The following PRR14L variants were observed in gnomAD, a reference collection of about 807,000 sequenced individuals.
PRR14L encodes proline rich 14 like.
A neutral mutation model predicts 155.0 loss-of-function variants in PRR14L; 80 were observed. That is an observed-to-expected ratio of 0.52 (90% CI 0.43 to 0.62). PRR14L has a LOEUF of 0.62. Ranked by LOEUF, PRR14L falls within the 20% of genes least tolerant of loss-of-function variation. The pLI, the probability that PRR14L is intolerant of heterozygous loss-of-function variation, is 0.00. For synonymous variants in PRR14L, 883 were observed against 916.0 expected (o/e 0.96, Z 0.65); for missense variants, 2,469 against 2,548.0 (o/e 0.97, Z 0.67).
intron 1 of PRR14L, among the ~76,000 whole-genome samples, chr22:31,746,477 G>A (rs1180426539): frequency 3.9e-5 from 6 of 152,216 alleles, no homozygotes; most frequent in Admixed American, 1.3e-4. Flanking sequence ...GGGATTTACA[G>A]CTTAATCTTT....
At chr22:31,723,912 G>A (rs2074703642) in intron 3 of PRR14L, among the ~76,000 whole-genome samples, 1 of 152,206 alleles carries the variant, frequency 6.6e-6, no homozygotes, top group South Asian at 2.1e-4. Context: ...GTTAGAAATC[G>A]GGCGGCACAG....
chr22:31,737,776 G>A (rs2074790215), intron 2 of PRR14L, among the ~76,000 whole-genome samples: 4 of 152,026 alleles, frequency 2.6e-5, no homozygotes, highest in Admixed American at 1.3e-4. Flanking sequence ...ACTTTAGGAG[G>A]CTGAGGTGGG....
chr22:31,687,855 C>A (rs960598782), intron 8 of PRR14L, among the ~76,000 whole-genome samples: 1 of 151,238 alleles, frequency 6.6e-6, no homozygotes, highest in Non-Finnish European at 1.5e-5. Context: ...CACGGTGAAA[C>A]CCTGTCTCTA....
chr22:31,691,066 C>T (rs1268364819), intron 7 of PRR14L, among the ~76,000 whole-genome samples: 3 of 150,944 alleles, frequency 2.0e-5, no homozygotes, highest in African/African-American at 7.3e-5. Context: ...CGGGTTCAAG[C>T]GATTCTCCTC....
At chr22:31,729,430 G>C (rs1303869607) in intron 2 of PRR14L, among the ~76,000 whole-genome samples, 2 of 151,950 alleles carry the variant, frequency 1.3e-5, no homozygotes, top group Admixed American at 1.3e-4. Flanking sequence ...TATTAGCCAG[G>C]ATGGTCTCGA....
Position 31,725,531 on chromosome 22 carries a change from T to TA in PRR14L, c.547+6dup. The TA allele has an allele frequency of 6.5e-7, 1 of 1,535,914 alleles. No homozygotes were observed. Among genetic ancestry groups the TA allele is most frequent in the African/African-American group, 1.4e-5 (1 of 72,818 alleles). On this transcript the variant is annotated splice_region_variant and intron_variant, in intron 3 of 8. Coordinates refer to ENST00000327423, the MANE Select transcript of PRR14L (RefSeq NM_173566.3). ...GATAAAGGAAGAGATTTGAGAGAAA[T>TA]AAATACCTTTGCTCCTTAGAAAATC...
At chr22:31,734,681 C>T (rs2074768911) in intron 2 of PRR14L, among the ~76,000 whole-genome samples, 1 of 152,202 alleles carries the variant, frequency 6.6e-6, no homozygotes, top group Non-Finnish European at 1.5e-5. Flanking sequence ...CTTGACTGTT[C>T]TCTTTCACAA....
At chr22:31,689,999 C>G (rs2074503215) in intron 7 of PRR14L, among the ~76,000 whole-genome samples, 1 of 151,972 alleles carries the variant, frequency 6.6e-6, no homozygotes, top group African/African-American at 2.4e-5. Context: ...TCACTGCAAC[C>G]TCTACCTCCC....
At position 31,688,214 on chromosome 22, in the gene PRR14L, CCTT is replaced by C; in HGVS notation, c.6118_6120del (p.Lys2040del). On this transcript the variant is annotated inframe_deletion, in exon 8 of 9. Transcript: ENST00000327423. ...GTATATATCTCTTCTAAACTAAACT[CCTT>C]CTTCTTTAACCTGAAAAGAAATAAG... 1.3e-6 allele frequency: 2 copies of C among 1,594,358 alleles called. No homozygotes were observed. Among genetic ancestry groups the C allele is most frequent in the East Asian group, 2.2e-5 (1 of 44,566 alleles).
chr22:31,712,157 A>G lies in PRR14L; in HGVS notation c.5682T>C (p.Ser1894=). ...VLSIWSQHGP[S]VCSFEISSLH... ...GAGAAGAGATTTCGAAGGAGCAGAC[A>G]GAAGGACCATGCTGGCTCCAAATGG... Residue 1894 remains serine (S), a synonymous_variant, in exon 4 of 9, where the codon TCT becomes TCC. Coordinates refer to ENST00000327423, the MANE Select transcript of PRR14L (RefSeq NM_173566.3). The G allele has an allele frequency of 3.1e-6, 5 of 1,614,184 alleles. No homozygotes were observed. The highest frequency in any genetic ancestry group is 2.2e-5 in the South Asian group (2 of 91,080).
At position 31,715,873 on chromosome 22, in the gene PRR14L, C is replaced by T. The variant is rs1005240302; in HGVS notation, c.1966G>A (p.Val656Met). 1.3e-6 allele frequency: 2 copies of T among 1,551,614 alleles called. No individual in the cohort carries two copies. Among genetic ancestry groups the T allele is most frequent in the Non-Finnish European group, 1.7e-6 (2 of 1,146,914 alleles). The change falls in exon 4 of 9, where the codon GTG becomes ATG. Residue 656 changes from valine to methionine, a missense_variant. Physicochemically the swap from Val to Met is conservative, Grantham distance 21 (BLOSUM62 1). Around this residue, in one of 2 missense-constraint regions of PRR14L, gnomAD observed 2,363 missense variants for 2,371.6 expected, o/e 1.00. Coordinates refer to ENST00000327423, the MANE Select transcript of PRR14L (RefSeq NM_173566.3). ...GCATGTTCTTGAGAATTAAGGGACACTTGTTGATTTAAAACACATTCACTT... is the reference window on the plus strand; with the variant it reads ...GCATGTTCTTGAGAATTAAGGGACATTTGTTGATTTAAAACACATTCACTT... Reference protein sequence around the residue: ...VESECVLNQQVSLNSQEHANL... With the variant: ...VESECVLNQQMSLNSQEHANL...
chr22:31,748,123 CAAT>C (rs1469369005), intron 1 of PRR14L, among the ~76,000 whole-genome samples: 2 of 152,120 alleles, frequency 1.3e-5, no homozygotes, highest in African/African-American at 4.8e-5. Context: ...ACAATACTCA[CAAT>C]AATGACCAGG....
At chr22:31,733,284 C>G (rs376461829) in intron 2 of PRR14L, among the ~76,000 whole-genome samples, 4 of 148,250 alleles carry the variant, frequency 2.7e-5, no homozygotes, top group Non-Finnish European at 5.9e-5. Flanking sequence ...TGTGAGCCAC[C>G]GCGCCTGGCC....
In PRR14L at chr22:31,716,434, C is replaced by A; in HGVS notation, c.1405G>T (p.Glu469Ter). The change falls in exon 4 of 9, where the codon GAA (glutamate) becomes TAA (stop). Residue 469 changes from glutamate to a stop codon, truncating the protein, a stop_gained. Coordinates refer to ENST00000327423, the MANE Select transcript of PRR14L (RefSeq NM_173566.3). LOFTEE classifies it high-confidence loss of function. ...AAATCATTTTTATTTAACATTACTTCTGTGGCTTCAGTAAAAGAATTGGGC... is the reference window on the plus strand; with the variant it reads ...AAATCATTTTTATTTAACATTACTTATGTGGCTTCAGTAAAAGAATTGGGC... ...LMPNSFTEAT[E>*]VMLNKNDLKI... 1 of 1,551,338 alleles carries A rather than the reference C, an allele frequency of 6.4e-7. No individual in the cohort carries two copies. The highest frequency in any genetic ancestry group is 8.7e-7 in the Non-Finnish European group (1 of 1,146,784).
intron 1 of PRR14L, among the ~76,000 whole-genome samples, chr22:31,748,318 C>G (rs1259127734): frequency 2.0e-5 from 3 of 152,164 alleles, no homozygotes; most frequent in Non-Finnish European, 4.4e-5. Context: ...CAGGGAAGTT[C>G]ATACACTAAA....
At chr22:31,727,191 C>T (rs959928757) in intron 2 of PRR14L, among the ~76,000 whole-genome samples, 1 of 152,062 alleles carries the variant, frequency 6.6e-6, no homozygotes, top group African/African-American at 2.4e-5. Context: ...AGTGCCAAGC[C>T]CACTGTTTCG....
At chr22:31,741,983 T>G (rs2074815439) in intron 1 of PRR14L, among the ~76,000 whole-genome samples, 1 of 152,170 alleles carries the variant, frequency 6.6e-6, no homozygotes, top group South Asian at 2.1e-4. Flanking sequence ...TTTAGGCCAT[T>G]TATGTATGTG....
At chr22:31,693,296 T>C (rs2074520148) in intron 7 of PRR14L, among the ~76,000 whole-genome samples, 1 of 152,214 alleles carries the variant, frequency 6.6e-6, no homozygotes, top group Non-Finnish European at 1.5e-5. Flanking sequence ...TCCATGGTTT[T>C]GCCTTTTCCA....
Position 31,713,789 on chromosome 22 carries a change from A to G in PRR14L, c.4050T>C (p.Thr1350=). The change falls in exon 4 of 9, where the codon ACT becomes ACC. Residue 1350 remains threonine (T), a synonymous_variant. Transcript: ENST00000327423. ...CCAACTCCTCAGATTGCTCCCCAAC[A>G]GTTAAGTAACCCAGTCGTCCCCTCT... ...EHQRGRLGYL[T]VGEQSEELVT... is the part of the protein sequence containing the mutation. The G allele has an allele frequency of 6.4e-7, 1 of 1,552,332 alleles. No homozygotes were observed. The highest frequency in any genetic ancestry group is 8.7e-7 in the Non-Finnish European group (1 of 1,147,146).
Sources: allele counts gnomAD v4.1 joint callset (sites outside exome capture counted in the v4.1 genomes callset), GRCh38; gene constraint gnomAD v4.1.1; regional missense constraint gnomAD v4.1.1; transcripts MANE v1.5; gene names NCBI Gene and HGNC (gene_info 2026-07-23, HGNC 2026-07-21).